Variants in SSH2 observed in about 807,000 individuals in gnomAD.
SSH2 encodes the protein slingshot protein phosphatase 2.
Under a neutral mutation model 135.2 loss-of-function variants are expected in SSH2, and 37 were observed. The observed-to-expected ratio is 0.27, with a 90% CI of 0.21 to 0.36. SSH2 has a LOEUF of 0.36. SSH2 is among the 10% of genes least tolerant of loss of function. The pLI is 1.00. For synonymous variants in SSH2, 628 were observed against 646.2 expected, an observed-to-expected ratio of 0.97 and a Z score of 0.43; for missense variants, 1,408 against 1,765.3, an observed-to-expected ratio of 0.80 and a Z score of 3.63.
At chr17:29,892,268 A>G (rs566278567) in intron 1 of SSH2, among the ~76,000 whole-genome samples, 3 of 152,094 alleles carry the variant, frequency 2.0e-5, no homozygotes. Flanking sequence ...TTTCCAAAGC[A>G]GCCCCCACCC....
At chr17:29,712,622 G>C (rs752660970) in intron 3 of SSH2, among the ~76,000 whole-genome samples, 4 of 152,148 alleles carry the variant, frequency 2.6e-5, no homozygotes, top group Non-Finnish European at 4.4e-5. Context: ...TGGCCAACAT[G>C]GTGAAACCCC....
At chr17:29,797,125 GT>G (rs11412443) in intron 2 of SSH2, among the ~76,000 whole-genome samples, 45 of 148,378 alleles carry the variant, frequency 3.0e-4, no homozygotes, top group Middle Eastern at 3.5e-3. Flanking sequence ...CACCTGGCCA[GT>G]TTTTTTTTTT....
chr17:29,825,091 T>C (rs2042721539), intron 2 of SSH2, among the ~76,000 whole-genome samples: 1 of 152,202 alleles, frequency 6.6e-6, no homozygotes, highest in African/African-American at 2.4e-5. Context: ...AATTTATCCC[T>C]TACACTTCCC....
intron 1 of SSH2, among the ~76,000 whole-genome samples, chr17:29,894,632 GA>G (rs1352572426): frequency 6.6e-6 from 1 of 151,856 alleles, no homozygotes; most frequent in Non-Finnish European, 1.5e-5. Flanking sequence ...ACAGTTGGTT[GA>G]ATCTGCAGAT....
At chr17:29,889,120 T>C (rs922531292) in intron 1 of SSH2, among the ~76,000 whole-genome samples, 4 of 151,578 alleles carry the variant, frequency 2.6e-5, no homozygotes, top group Non-Finnish European at 4.4e-5. Context: ...TCAAAATGGA[T>C]CAAAGGCCTA....
At chr17:29,846,535 T>C (rs1246146119) in intron 2 of SSH2, among the ~76,000 whole-genome samples, 2 of 152,200 alleles carry the variant, frequency 1.3e-5, no homozygotes, top group Non-Finnish European at 1.5e-5. Context: ...ATAATAAGTG[T>C]TCACATGGAT....
intron 3 of SSH2, chr17:29,793,629 T>A (rs1465921202): frequency 3.2e-6 from 1 of 310,972 alleles, no homozygotes; most frequent in African/African-American, 2.2e-5. Flanking sequence ...GCATTCGCTC[T>A]TACTCTTTTT....
At chr17:29,876,338 A>G (rs1023335613) in intron 1 of SSH2, among the ~76,000 whole-genome samples, 8 of 152,192 alleles carry the variant, frequency 5.3e-5, no homozygotes, top group Admixed American at 4.6e-4. Flanking sequence ...AAAGAAATCC[A>G]CACATCTATA....
intron 2 of SSH2, among the ~76,000 whole-genome samples, chr17:29,833,501 G>T (rs1347040182): frequency 6.6e-6 from 1 of 151,966 alleles, no homozygotes; most frequent in Non-Finnish European, 1.5e-5. Flanking sequence ...TTTCTTATAG[G>T]CAACAGATCA....
intron 3 of SSH2, among the ~76,000 whole-genome samples, chr17:29,782,671 T>C (rs893690862): frequency 6.6e-6 from 1 of 150,638 alleles, no homozygotes; most frequent in African/African-American, 2.4e-5. Context: ...CTGCAACCTC[T>C]GCTTCCTGGG....
chr17:29,893,204 T>A (rs980439835), intron 1 of SSH2, among the ~76,000 whole-genome samples: 10 of 151,978 alleles, frequency 6.6e-5, no homozygotes, highest in Admixed American at 2.0e-4. Flanking sequence ...AACTCCCTCT[T>A]TGCTTAGAGT....
intron 1 of SSH2, among the ~76,000 whole-genome samples, chr17:29,914,046 G>A (rs1201550668): frequency 6.6e-6 from 1 of 152,148 alleles, no homozygotes; most frequent in East Asian, 1.9e-4. Context: ...AGCAAAGTAA[G>A]CTTGTACCAC....
chr17:29,771,645 A>T (rs1302406492), intron 3 of SSH2, among the ~76,000 whole-genome samples: 1 of 152,202 alleles, frequency 6.6e-6, no homozygotes, highest in Non-Finnish European at 1.5e-5. Context: ...GGCCTGAAAC[A>T]CAACCTAGTA....
chr17:29,796,764 A>C (rs955604948), intron 2 of SSH2, among the ~76,000 whole-genome samples: 1 of 152,074 alleles, frequency 6.6e-6, no homozygotes, highest in African/African-American at 2.4e-5. Context: ...TTAAATGCAT[A>C]ATAATTAATT....
chr17:29,700,044 C>T (rs947816022), intron 4 of SSH2, among the ~76,000 whole-genome samples: 6 of 152,174 alleles, frequency 3.9e-5, no homozygotes, highest in African/African-American at 1.4e-4. Flanking sequence ...AAGGCCCAAA[C>T]AAGTAGTAGG....
chr17:29,647,773 C>T, intron 14 of SSH2: 1 of 228,742 alleles, frequency 4.4e-6, no homozygotes, highest in Non-Finnish European at 8.8e-6. Context: ...AGCGATTGTC[C>T]TGCCTCAGCC....
At chr17:29,737,070 G>A (rs2040394703) in intron 3 of SSH2, among the ~76,000 whole-genome samples, 1 of 117,956 alleles carries the variant, frequency 8.5e-6, no homozygotes, top group Admixed American at 1.1e-4. Flanking sequence ...CTGCACTCCA[G>A]CCTGGGCGAC....
At chr17:29,736,857 T>C (rs1239020454) in intron 3 of SSH2, among the ~76,000 whole-genome samples, 1 of 141,236 alleles carries the variant, frequency 7.1e-6, no homozygotes, top group Non-Finnish European at 1.5e-5. Flanking sequence ...CTCAGCACTT[T>C]GGGAGGTCGA....
chr17:29,839,972 C>T (rs1233865000), intron 2 of SSH2, among the ~76,000 whole-genome samples: 1 of 152,170 alleles, frequency 6.6e-6, no homozygotes, highest in Non-Finnish European at 1.5e-5. Flanking sequence ...CAACACTAAA[C>T]TGTATAAAAA....
Sources: allele counts gnomAD v4.1 joint callset (sites outside exome capture counted in the v4.1 genomes callset), GRCh38; gene constraint gnomAD v4.1.1; transcripts MANE v1.5; gene names NCBI Gene and HGNC (gene_info 2026-07-23, HGNC 2026-07-21).